CIMIP7: variants seen among roughly 807,000 people sequenced by gnomAD.
CIMIP7 encodes the protein uncharacterized protein C3orf84.
the CIMIP7 span, among the ~76,000 whole-genome samples, chr3:49,184,862 T>C: frequency 5.9e-5 from 9 of 151,544 alleles, no homozygotes; most frequent in Non-Finnish European, 1.3e-4. Flanking sequence ...ACTCCTGGCC[T>C]TAAGCAATCC....
the CIMIP7 span, chr3:49,191,551 G>A: frequency 1.4e-6 from 1 of 700,764 alleles, no homozygotes; most frequent in Non-Finnish European, 2.6e-6. Flanking sequence ...TGCATGGAAG[G>A]GGGCAAAGTG....
chr3:49,184,323 A>T, the CIMIP7 span, among the ~76,000 whole-genome samples: 2 of 151,550 alleles, frequency 1.3e-5, no homozygotes, highest in Non-Finnish European at 2.9e-5. Context: ...AATTTTATTT[A>T]ATTTAATTTA....
the CIMIP7 span, among the ~76,000 whole-genome samples, chr3:49,181,484 C>T: frequency 6.6e-6 from 1 of 152,084 alleles, no homozygotes; most frequent in African/African-American, 2.4e-5. Context: ...GGCTCCCAGA[C>T]ACTGTCTCTA....
the CIMIP7 span, among the ~76,000 whole-genome samples, chr3:49,188,839 C>G: frequency 3.3e-5 from 5 of 151,978 alleles, no homozygotes; most frequent in Non-Finnish European, 7.4e-5. Context: ...ACTCTGTCAC[C>G]CAGGCTGGAG....
chr3:49,184,580 A>G, the CIMIP7 span, among the ~76,000 whole-genome samples: 1 of 151,870 alleles, frequency 6.6e-6, no homozygotes, highest in Non-Finnish European at 1.5e-5. Flanking sequence ...TTGGCTTCCC[A>G]AAGTGTTGGG....
At chr3:49,178,082 A>G in the CIMIP7 span, 15 of 1,541,294 alleles carry the variant, frequency 9.7e-6, no homozygotes, top group Non-Finnish European at 1.2e-5. Flanking sequence ...CTTGGCCCAC[A>G]TTCCTGGCAC....
At chr3:49,187,066 C>T in the CIMIP7 span, among the ~76,000 whole-genome samples, 1 of 152,120 alleles carries the variant, frequency 6.6e-6, no homozygotes, top group African/African-American at 2.4e-5. Flanking sequence ...TCTTTCCTGT[C>T]GGAGGCACCT....
chr3:49,185,117 C>T, the CIMIP7 span, among the ~76,000 whole-genome samples: 58 of 151,654 alleles, frequency 3.8e-4, 1 homozygote, highest in Admixed American at 3.2e-3. Context: ...CAAAATTAGC[C>T]GGGTGTGGTG....
the CIMIP7 span, among the ~76,000 whole-genome samples, chr3:49,181,709 C>T: frequency 6.6e-6 from 1 of 152,188 alleles, no homozygotes; most frequent in Admixed American, 6.5e-5. Flanking sequence ...CTCAACTCAA[C>T]AGTAAAATCA....
At chr3:49,188,242 G>A in the CIMIP7 span, among the ~76,000 whole-genome samples, 1 of 152,236 alleles carries the variant, frequency 6.6e-6, no homozygotes, top group South Asian at 2.1e-4. Flanking sequence ...GCAGCCTTCA[G>A]GACCCTGGTC....
At chr3:49,177,857 G>T in the CIMIP7 span, 1 of 1,613,608 alleles carries the variant, frequency 6.2e-7, no homozygotes, top group South Asian at 1.1e-5. Context: ...GGCTGGACCT[G>T]CACAAAGTGG....
chr3:49,191,401 A>G, the CIMIP7 span, among the ~76,000 whole-genome samples: 1 of 152,212 alleles, frequency 6.6e-6, no homozygotes, highest in Non-Finnish European at 1.5e-5. Context: ...GATGGACAAA[A>G]ACACAATCTT....
the CIMIP7 span, among the ~76,000 whole-genome samples, chr3:49,182,421 T>A: frequency 2.0e-5 from 3 of 152,128 alleles, no homozygotes; most frequent in East Asian, 5.8e-4. Context: ...CCCACCAGAG[T>A]AGCTAGATAC....
the CIMIP7 span, chr3:49,178,092 C>T: frequency 3.3e-6 from 5 of 1,522,478 alleles, no homozygotes; most frequent in Non-Finnish European, 4.4e-6. Flanking sequence ...ATTCCTGGCA[C>T]CAAGCACCTT....
the CIMIP7 span, among the ~76,000 whole-genome samples, chr3:49,186,554 C>T: frequency 6.6e-6 from 1 of 152,170 alleles, no homozygotes; most frequent in African/African-American, 2.4e-5. Flanking sequence ...CAGGCGCCCG[C>T]CACCATGCTT....
the CIMIP7 span, chr3:49,177,659 T>TG: frequency 6.3e-7 from 1 of 1,595,732 alleles, no homozygotes; most frequent in Non-Finnish European, 8.6e-7. Context: ...TTTAATGCTC[T>TG]GGACCAGTTT....
the CIMIP7 span, among the ~76,000 whole-genome samples, chr3:49,188,654 A>G: frequency 1.3e-5 from 2 of 152,096 alleles, no homozygotes; most frequent in African/African-American, 2.4e-5. Context: ...GCTCAGTAGT[A>G]CTAACCACTT....
the CIMIP7 span, chr3:49,178,568 G>C: frequency 6.2e-7 from 1 of 1,602,208 alleles, no homozygotes; most frequent in Non-Finnish European, 8.5e-7. Flanking sequence ...GAAGGTGAAT[G>C]GGGAAAATGA....
At chr3:49,182,798 C>G in the CIMIP7 span, among the ~76,000 whole-genome samples, 1 of 152,180 alleles carries the variant, frequency 6.6e-6, no homozygotes, top group African/African-American at 2.4e-5. Flanking sequence ...CTGCAGGTCC[C>G]GAGCCCTGCC....
Sources: allele counts gnomAD v4.1 joint callset (sites outside exome capture counted in the v4.1 genomes callset), GRCh38; gene constraint gnomAD v4.1.1; transcripts MANE v1.5; gene names NCBI Gene and HGNC (gene_info 2026-07-23, HGNC 2026-07-21).